ZNF114: variants seen among roughly 807,000 people sequenced by gnomAD.
ZNF114 encodes the protein zinc finger protein 114 (Y18).
A neutral mutation model predicts 6.8 loss-of-function variants in ZNF114; 8 were observed. The observed-to-expected ratio is 1.18, with a 90% confidence interval of 0.69 to 2.13. ZNF114 has a LOEUF of 2.13. ZNF114 is among the 30% of genes most tolerant of loss of function. ZNF114 has a pLI of 0.00. For synonymous variants in ZNF114, 169 were observed against 185.5 expected, an observed-to-expected ratio of 0.91 and a Z score of 0.72; for missense variants, 472 against 519.5, an observed-to-expected ratio of 0.91 and a Z score of 0.89.
chr19:48,281,894 CTTTTTT>C (rs869238604), intron 4 of ZNF114, among the ~76,000 whole-genome samples: 1 of 90,522 alleles, frequency 1.1e-5, no homozygotes, highest in Non-Finnish European at 2.0e-5. Context: ...ACAACCTCAT[CTTTTTT>C]TTTTTTTTTT....
chr19:48,275,805 A>T (rs1459837439), intron 3 of ZNF114, among the ~76,000 whole-genome samples: 1 of 151,322 alleles, frequency 6.6e-6, no homozygotes, highest in Non-Finnish European at 1.5e-5. Context: ...CCACGGTGAA[A>T]CCCCGTCTCT....
At chr19:48,281,894 C>CTTTT (rs869238604) in intron 4 of ZNF114, among the ~76,000 whole-genome samples, 120 of 90,472 alleles carry the variant, frequency 1.3e-3, no homozygotes, top group Non-Finnish European at 1.6e-3. Flanking sequence ...ACAACCTCAT[C>CTTTT]TTTTTTTTTT....
intron 4 of ZNF114, 111 bp from the exon 5 acceptor site, chr19:48,282,260 G>T: frequency 7.0e-7 from 1 of 1,428,128 alleles, no homozygotes; most frequent in East Asian, 2.5e-5. Context: ...GGTCACCTTT[G>T]CAGGTACCAA....
At position 48,285,825 on chromosome 19, in the gene ZNF114, A is replaced by G; in HGVS notation, c.201A>G (p.Thr67=). The G allele has an allele frequency of 1.2e-6, 2 of 1,614,016 alleles. No individual in the cohort carries two copies. The highest frequency in any genetic ancestry group is 2.2e-5 in the East Asian group (1 of 44,888). The change falls in exon 6 of 6, where the codon ACA becomes ACG. Residue 67 remains threonine (T), a synonymous_variant. Coordinates refer to ENST00000595607, the MANE Select transcript of ZNF114 (RefSeq NM_153608.4). ...AGCCGGATATTCTTCCTAAAAGAAC[A>G]TTTCCTGAAGCCAACAGAGTGTGTC... ...TPQPDILPKR[T]FPEANRVCLT...
At chr19:48,272,482 T>TA (rs1441212500) in intron 3 of ZNF114, among the ~76,000 whole-genome samples, 1 of 148,734 alleles carries the variant, frequency 6.7e-6, no homozygotes, top group African/African-American at 2.5e-5. Flanking sequence ...TGATCCTAGC[T>TA]ACACGGGAGG....
intron 3 of ZNF114, 32 bp from the exon 4 acceptor site, chr19:48,279,699 C>T: frequency 6.5e-7 from 1 of 1,538,288 alleles, no homozygotes; most frequent in South Asian, 1.1e-5. Context: ...GGCAGGGTGC[C>T]TGGATTCTCA....
chr19:48,286,704 C>G lies in ZNF114; in HGVS notation c.1080C>G (p.Pro360=). Residue 360 remains proline, a synonymous_variant, in exon 6 of 6, where the codon CCC becomes CCG. Transcript: ENST00000595607. ...GAAAGCATGTTGTGCAGAAGAAGCC[C>G]TACGAATGTGAAGAATGTGGGAAAG... The part of the protein sequence containing the change: ...HLRKHVVQKK[P]YECEECGKVI... 1 of 1,613,366 alleles carries G rather than the reference C, an allele frequency of 6.2e-7. No homozygotes were observed. The highest frequency in any genetic ancestry group is 8.5e-7 in the Non-Finnish European group (1 of 1,179,854).
rs1375554945 is a variant in ZNF114 at position 48,286,664 on chromosome 19, T to C, written c.1040T>C (p.Leu347Pro). 2 of 1,612,674 alleles carry C rather than the reference T, an allele frequency of 1.2e-6. No homozygotes were observed. Among genetic ancestry groups the C allele is most frequent in the South Asian group, 2.2e-5 (2 of 90,646 alleles). Residue 347 changes from leucine (L) to proline (P), a missense_variant, in exon 6 of 6, where the codon CTT becomes CCT. Coordinates refer to ENST00000595607, the MANE Select transcript of ZNF114 (RefSeq NM_153608.4). Reference protein sequence around the residue: ...CGKAFRYSLHLNKHLRKHVVQ... With the variant: ...CGKAFRYSLHPNKHLRKHVVQ... ...AAAGCCTTTAGATATTCCTTACACC[T>C]TAATAAACATTTAAGAAAGCATGTT... is the stretch of plus-strand genomic sequence containing the variant.
intron 3 of ZNF114, 88 bp from the exon 4 acceptor site, chr19:48,279,643 A>G (rs1190808773): frequency 2.0e-5 from 17 of 865,284 alleles, no homozygotes; most frequent in Admixed American, 1.8e-4. Flanking sequence ...GTGCATTTAT[A>G]TGCTGAGATT....
In ZNF114 at chr19:48,286,767, C is replaced by G. The variant is rs370446564; in HGVS notation, c.1143C>G (p.Ser381Arg). 6.2e-7 allele frequency: 1 copy of G among 1,612,926 alleles called. No homozygotes were observed. The highest frequency in any genetic ancestry group is 1.1e-5 in the South Asian group (1 of 90,720). Residue 381 changes from serine (S) to arginine (R), a missense_variant, in exon 6 of 6, where the codon AGC becomes AGG. Transcript: ENST00000595607. ...CCTCAAAATATACACATATAAGGAG[C>G]CACACTGGAGAGAAACCCTATAAAT... is the stretch of plus-strand genomic sequence containing the variant. ...RESSKYTHIR[S>R]HTGEKPYKCK... is the part of the protein sequence containing the mutation.
chr19:48,277,034 T>A (rs1390456632), intron 3 of ZNF114, among the ~76,000 whole-genome samples: 1 of 152,168 alleles, frequency 6.6e-6, no homozygotes, highest in Non-Finnish European at 1.5e-5. Context: ...GGCCCAAGCC[T>A]GTAATCTCAG....
intron 3 of ZNF114, among the ~76,000 whole-genome samples, chr19:48,278,186 T>A (rs1012546968): frequency 6.6e-6 from 1 of 152,210 alleles, no homozygotes. Flanking sequence ...TCCACCTGCC[T>A]CGGCCTCCCA....
chr19:48,277,740 G>A (rs1050562189), intron 3 of ZNF114, among the ~76,000 whole-genome samples: 2 of 146,520 alleles, frequency 1.4e-5, no homozygotes, highest in Non-Finnish European at 3.0e-5. Flanking sequence ...ATTGCCTCCT[G>A]CTTCTTAATT....
intron 5 of ZNF114, among the ~76,000 whole-genome samples, chr19:48,285,543 A>AGAAG (rs35030246): frequency 0.56 from 81,729 of 147,004 alleles, 23,056 homozygotes; most frequent in East Asian, 0.62. Context: ...GAGAGAGGAA[A>AGAAG]GAAGGAAGGA....
chr19:48,272,377 A>C (rs1347569476), intron 3 of ZNF114, among the ~76,000 whole-genome samples: 1 of 149,044 alleles, frequency 6.7e-6, no homozygotes, highest in Admixed American at 6.7e-5. Context: ...GAGCCATTGC[A>C]CTCCAGCCTG....
intron 3 of ZNF114, among the ~76,000 whole-genome samples, chr19:48,279,231 T>C (rs1967925549): frequency 6.7e-6 from 1 of 150,100 alleles, no homozygotes; most frequent in Non-Finnish European, 1.5e-5. Flanking sequence ...CCCATCTCTA[T>C]GAAAATAAAT....
chr19:48,271,980 C>A (rs543325178), intron 3 of ZNF114, among the ~76,000 whole-genome samples, 152 bp downstream of exon 3: 5 of 152,296 alleles, frequency 3.3e-5, no homozygotes, highest in South Asian at 4.2e-4. Context: ...CCGAGCGCGC[C>A]CTTCACCTTG....
At chr19:48,280,213 G>A (rs73583337) in intron 4 of ZNF114, among the ~76,000 whole-genome samples, 2,345 of 151,996 alleles carry the variant, frequency 0.015, 64 homozygotes, top group African/African-American at 0.053. Flanking sequence ...CAAGACCACC[G>A]TCTCTATAAA....
rs372838199 is a variant in ZNF114 at position 48,277,792 on chromosome 19, T to TGG, written c.-69-1937_-69-1936dup. Among the ~76,000 whole-genome samples, 394 of 126,018 alleles carry TGG rather than the reference T, an allele frequency of 3.1e-3. 4 individuals carry two copies. The highest frequency in any genetic ancestry group is 4.3e-3 in the Non-Finnish European group (265 of 62,250). The allele number at this position is 126,018 out of a possible 152,430, so 82.7% of individuals were successfully genotyped here. On this transcript the variant is annotated intron_variant, in intron 3 of 5. Transcript: ENST00000595607. ...ATGAATAGACTGACCAGGGAGGCAT[T>TGG]GGGTGTGTGTGTGTGTGTGTGTGTG...
Sources: gnomAD v4.1 joint callset for allele counts (sites outside exome capture counted in the v4.1 genomes callset) on GRCh38, gnomAD v4.1.1 for gene constraint, MANE v1.5 for transcripts, NCBI Gene and HGNC (gene_info 2026-07-23, HGNC 2026-07-21) for gene names.